The following MAU2 variants were observed in gnomAD, a reference collection of about 807,000 sequenced individuals.
The protein encoded by MAU2 is MAU2 sister chromatid cohesion factor.
MAU2 carries 9 observed loss-of-function variants against 89.1 expected under a neutral mutation model. The ratio of observed to expected loss-of-function variants is 0.10; its 90% CI spans 0.06 to 0.18. The LOEUF (loss-of-function observed/expected upper bound fraction) is 0.18. Among genes scored for constraint, MAU2 ranks in the 10% least tolerant of loss-of-function variants. The pLI, the probability that MAU2 is intolerant of heterozygous loss-of-function variation, is 1.00. For missense variants in MAU2, 425 were observed against 803.5 expected (o/e 0.53, Z 5.69); for synonymous variants, 357 against 343.4 (o/e 1.04, Z -0.44).
intron 1 of MAU2, among the ~76,000 whole-genome samples, chr19:19,326,424 C>T (rs1001180992): frequency 6.6e-6 from 1 of 151,660 alleles, no homozygotes; most frequent in Non-Finnish European, 1.5e-5. Context: ...CGGTGGCTCA[C>T]GCCTGTAATC....
At position 19,345,500 on chromosome 19, in the gene MAU2, C is replaced by T; in HGVS notation, c.1221+131C>T. The stretch of plus-strand genomic sequence containing the variant: ...AAGCCGCAGCCCCAGAGGCAATGCA[C>T]AGTAGTCAGCCCATGCCAGCCTTGG... On this transcript the variant is annotated intron_variant, in intron 12 of 18. Coordinates refer to ENST00000262815, the MANE Select transcript of MAU2 (RefSeq NM_015329.4). The surrounding 1 kb of genome is among the most constrained non-coding windows in gnomAD (Gnocchi z 4.9). The T allele has an allele frequency of 1.2e-6, 1 of 841,656 alleles. No homozygotes were observed. The highest frequency in any genetic ancestry group is 2.0e-6 in the Non-Finnish European group (1 of 510,436). 52.1% of individuals were successfully genotyped at this position (841,656 alleles called of 1,614,324 possible).
Position 19,355,246 on chromosome 19 carries a change from C to T in MAU2, c.1640-18C>T, listed in dbSNP as rs372356745. 6.2e-6 allele frequency: 10 copies of T among 1,613,404 alleles called. No individual in the cohort carries two copies. Among genetic ancestry groups the T allele is most frequent in the Non-Finnish European group, 7.6e-6 (9 of 1,179,896 alleles). The stretch of plus-strand genomic sequence containing the variant: ...TGACAGGGCAAGGCGGGCCCCCATG[C>T]TCATGTCCCACTCTCAGACCTGAAT... On this transcript the variant is annotated intron_variant, in intron 17 of 18. Coordinates refer to ENST00000262815, the MANE Select transcript of MAU2 (RefSeq NM_015329.4).
chr19:19,330,911 C>A (rs1027712415), intron 1 of MAU2, among the ~76,000 whole-genome samples: 8 of 152,084 alleles, frequency 5.3e-5, no homozygotes, highest in East Asian at 1.9e-4. Flanking sequence ...TCAAAAAAAG[C>A]CTTTTTTTTA....
intron 1 of MAU2, among the ~76,000 whole-genome samples, chr19:19,327,413 C>G (rs2061520524): frequency 6.6e-6 from 1 of 151,992 alleles, no homozygotes. Context: ...GCAAGCTCCG[C>G]CTCCTGGGTT....
chr19:19,354,308 A>G, intron 16 of MAU2, 47 bp from the exon 17 acceptor site: 1 of 1,506,864 alleles, frequency 6.6e-7, no homozygotes, highest in South Asian at 1.1e-5. Context: ...GGGTTCGGCA[A>G]GTGGGGTCCA....
intron 13 of MAU2, chr19:19,348,496 C>A: frequency 2.7e-6 from 1 of 376,980 alleles, no homozygotes. Flanking sequence ...GATCACGCCC[C>A]CATCAGAGCC....
intron 7 of MAU2, among the ~76,000 whole-genome samples, chr19:19,342,312 G>A (rs1271708708): frequency 1.3e-5 from 2 of 152,166 alleles, no homozygotes; most frequent in Non-Finnish European, 2.9e-5. Flanking sequence ...CTGGGCAGTG[G>A]ACAAGCCTCA....
intron 1 of MAU2, among the ~76,000 whole-genome samples, chr19:19,330,682 A>G (rs757756497): frequency 7.2e-5 from 11 of 152,128 alleles, no homozygotes; most frequent in Non-Finnish European, 1.2e-4. Context: ...GGAGGGTGCC[A>G]TGAGCCAAGA....
Position 19,321,149 on chromosome 19 carries a change from G to C in MAU2, c.276+14G>C, listed in dbSNP as rs772112045. On this transcript the variant is annotated intron_variant, in intron 1 of 18. Transcript: ENST00000262815. ...CTGGAGAAGGCGGTGAGCGCGGGCCGGGCCGCGAGGGAGGAGTCGCGGGCT... is the reference window on the plus strand; with the variant it reads ...CTGGAGAAGGCGGTGAGCGCGGGCCCGGCCGCGAGGGAGGAGTCGCGGGCT... 21 of 1,576,942 alleles carry C rather than the reference G, an allele frequency of 1.3e-5. No individual in the cohort carries two copies. The highest frequency in any genetic ancestry group is 1.7e-5 in the Non-Finnish European group (20 of 1,161,066).
chr19:19,322,278 T>A (rs975704936), intron 1 of MAU2, among the ~76,000 whole-genome samples: 26 of 152,094 alleles, frequency 1.7e-4, no homozygotes, highest in Non-Finnish European at 3.1e-4. Flanking sequence ...GATTACAGGC[T>A]TGAGCCACCG....
chr19:19,329,056 G>A (rs567278340), intron 1 of MAU2: 4 of 456,028 alleles, frequency 8.8e-6, no homozygotes, highest in South Asian at 6.2e-5. Flanking sequence ...TCCAGGTTTA[G>A]CCTGAGCATC....
chr19:19,323,890 T>C (rs561297944), intron 1 of MAU2, among the ~76,000 whole-genome samples: 34 of 152,276 alleles, frequency 2.2e-4, no homozygotes, highest in Middle Eastern at 3.4e-3. Context: ...CAACAAGTTA[T>C]TGACAAAACT....
intron 2 of MAU2, 68 bp from the exon 3 acceptor site, chr19:19,336,054 C>T (rs2061593940): frequency 8.6e-7 from 1 of 1,156,656 alleles, no homozygotes. Context: ...GGTAGGAGCC[C>T]CAAGCTGTGG....
intron 7 of MAU2, among the ~76,000 whole-genome samples, chr19:19,341,620 C>T (rs1197031324): frequency 6.6e-6 from 1 of 152,224 alleles, no homozygotes; most frequent in Non-Finnish European, 1.5e-5. Flanking sequence ...GCCACCCCAC[C>T]TCCCTTTGGG....
Position 19,321,009 on chromosome 19 carries a change from C to T in MAU2, c.150C>T (p.Cys50=), listed in dbSNP as rs536047940. Residue 50 remains cysteine (C), a synonymous_variant, in exon 1 of 19, where the codon TGC becomes TGT. Coordinates refer to ENST00000262815, the MANE Select transcript of MAU2 (RefSeq NM_015329.4). ...SPPKIRLCVH[C]LQAVFPFKPP... ...CCAAAATCCGCCTGTGCGTGCACTG[C>T]CTGCAGGCCGTGTTCCCCTTCAAGC... The T allele has an allele frequency of 8.7e-6, 14 of 1,611,668 alleles. No individual in the cohort carries two copies. The highest frequency in any genetic ancestry group is 1.7e-4 in the Middle Eastern group (1 of 6,054).
intron 16 of MAU2, 162 bp from the exon 17 acceptor site, chr19:19,354,193 T>C: frequency 1.6e-6 from 1 of 639,136 alleles, no homozygotes; most frequent in African/African-American, 1.8e-5. Flanking sequence ...CCATTTGAGA[T>C]GGGCTCTGAG....
Position 19,321,008 on chromosome 19 carries a change from G to C in MAU2, c.149G>C (p.Cys50Ser), listed in dbSNP as rs1417839132. The part of the protein sequence containing the change: ...SPPKIRLCVH[C>S]LQAVFPFKPP... ...CCCAAAATCCGCCTGTGCGTGCACT[G>C]CCTGCAGGCCGTGTTCCCCTTCAAG... is the stretch of plus-strand genomic sequence containing the variant. Residue 50 changes from cysteine to serine, a missense_variant, in exon 1 of 19, where the codon TGC becomes TCC. Physicochemically the swap from Cys to Ser is moderately radical, Grantham distance 112. Around this residue, in one of 11 missense-constraint regions of MAU2, gnomAD observed 57 missense variants for 57.5 expected, o/e 0.99. Coordinates refer to ENST00000262815, the MANE Select transcript of MAU2 (RefSeq NM_015329.4). 6 of 1,611,548 alleles carry C rather than the reference G, an allele frequency of 3.7e-6. No individual in the cohort carries two copies. In the East Asian group the frequency reaches 6.7e-5, roughly 18 times the overall value.
At chr19:19,351,532 T>G (rs2061744733) in intron 16 of MAU2, among the ~76,000 whole-genome samples, 1 of 151,792 alleles carries the variant, frequency 6.6e-6, no homozygotes, top group African/African-American at 2.4e-5. Context: ...ACAAAAAAAT[T>G]AGCTGGGTGT....
chr19:19,334,488 C>A lies in MAU2; in HGVS notation c.277-1230C>A, dbSNP rs1417697339. 6 of 985,888 alleles carry A rather than the reference C, an allele frequency of 6.1e-6. No individual in the cohort carries two copies. In the East Asian group the frequency reaches 5.7e-4, roughly 93 times the overall value. 61.1% of individuals were successfully genotyped at this position (985,888 alleles called of 1,614,324 possible). Reference sequence around the variant, plus strand: ...TGCTCACCCTTGCCCTAGAGATCTCCAGCCCCAAGGCTGCCCCCAGCCGTG... The same window carrying A: ...TGCTCACCCTTGCCCTAGAGATCTCAAGCCCCAAGGCTGCCCCCAGCCGTG... On this transcript the variant is annotated intron_variant, in intron 1 of 18. Transcript: ENST00000262815.
Sources: allele counts gnomAD v4.1 joint callset (sites outside exome capture counted in the v4.1 genomes callset), GRCh38; gene constraint gnomAD v4.1.1; regional missense constraint gnomAD v4.1.1; non-coding constraint Gnocchi (gnomAD v3.1); transcripts MANE v1.5; gene names NCBI Gene and HGNC (gene_info 2026-07-23, HGNC 2026-07-21).